ADGB: variants seen among roughly 807,000 people sequenced by gnomAD.
ADGB encodes androglobin, also known as calpain-7-like protein.
Under a neutral mutation model 210.5 loss-of-function variants are expected in ADGB, and 172 were observed. The observed-to-expected ratio is 0.82, with a 90% CI of 0.72 to 0.93. The LOEUF (loss-of-function observed/expected upper bound fraction) is 0.93, where lower values mean the gene tolerates loss of function less well. Ranked by LOEUF, ADGB falls within the 40% of genes least tolerant of loss-of-function variation. ADGB has a pLI of 0.00. For missense variants in ADGB, 2,025 were observed against 1,964.8 expected (o/e 1.03, Z -0.58); for synonymous variants, 658 against 662.7 (o/e 0.99, Z 0.11).
At chr6:146,717,777 C>G (rs1776756166) in intron 16 of ADGB, among the ~76,000 whole-genome samples, 178 bp downstream of exon 16, 1 of 152,132 alleles carries the variant, frequency 6.6e-6, no homozygotes, top group Admixed American at 6.5e-5. Context: ...ATTCCACTAG[C>G]TCATAACCAC....
Position 146,814,564 on chromosome 6 carries a change from G to A in ADGB, c.4819-468G>A, listed in dbSNP as rs544193473. Among the ~76,000 whole-genome samples, 15 of 152,304 alleles carry A rather than the reference G, an allele frequency of 9.8e-5. No individual in the cohort carries two copies. In the South Asian group the frequency reaches 3.1e-3, roughly 32 times the overall value. On this transcript the variant is annotated intron_variant, in intron 35 of 35. Coordinates refer to ENST00000397944, the MANE Select transcript of ADGB (RefSeq NM_024694.4). Reference sequence around the variant, plus strand: ...GTAGTTTTGCTAAAGTGGTGAGAATGAAAGTCAAGCTGACAAGAGCAAAGT... The same window carrying A: ...GTAGTTTTGCTAAAGTGGTGAGAATAAAAGTCAAGCTGACAAGAGCAAAGT...
At chr6:146,673,153 A>T (rs1180021790) in intron 8 of ADGB, among the ~76,000 whole-genome samples, 1 of 152,220 alleles carries the variant, frequency 6.6e-6, no homozygotes, top group Non-Finnish European at 1.5e-5. Context: ...ATTCTAGTGC[A>T]TTAAGTACAT....
At chr6:146,719,512 T>C (rs188860338) in intron 16 of ADGB, among the ~76,000 whole-genome samples, 2 of 152,336 alleles carry the variant, frequency 1.3e-5, no homozygotes, top group East Asian at 3.9e-4. Context: ...GCATTTAGCA[T>C]GGCCTGAAAG....
chr6:146,701,674 C>G (rs1361538247), intron 13 of ADGB, among the ~76,000 whole-genome samples: 1 of 149,870 alleles, frequency 6.7e-6, no homozygotes, highest in East Asian at 1.9e-4. Context: ...AAAACTCTAA[C>G]AGGTTGAAAA....
chr6:146,810,179 C>T (rs1315096114), intron 35 of ADGB, among the ~76,000 whole-genome samples: 1 of 152,158 alleles, frequency 6.6e-6, no homozygotes, highest in Admixed American at 6.5e-5. Flanking sequence ...AAAGACGACA[C>T]AGGAATGACC....
Position 146,802,800 on chromosome 6 carries a change from G to GT in ADGB, c.4818+790dup, listed in dbSNP as rs554408555. ...TCTTTAGTAGATGAAATCTCTCAAT[G>GT]TAACTGTAATAAATAAGCATCTACA... On this transcript the variant is annotated intron_variant, in intron 35 of 35. Coordinates refer to ENST00000397944, the MANE Select transcript of ADGB (RefSeq NM_024694.4). The GT allele has an allele frequency of 8.9e-5, 143 of 1,606,944 alleles. No individual in the cohort carries two copies. In the East Asian group the frequency reaches 2.9e-3, roughly 33 times the overall value.
At chr6:146,797,792 G>C (rs1778068131) in intron 33 of ADGB, among the ~76,000 whole-genome samples, 1 of 152,076 alleles carries the variant, frequency 6.6e-6, no homozygotes, top group Admixed American at 6.5e-5. Flanking sequence ...AGGGCTAAAA[G>C]ACTACACATC....
chr6:146,707,183 A>G (rs1331509714), intron 13 of ADGB, among the ~76,000 whole-genome samples: 1 of 151,976 alleles, frequency 6.6e-6, no homozygotes, highest in Non-Finnish European at 1.5e-5. Context: ...GACTCATTCC[A>G]TTGTGGTTAT....
chr6:146,801,200 C>T lies in ADGB; in HGVS notation c.4555C>T (p.Arg1519Ter), dbSNP rs1453581851. 1.3e-5 allele frequency: 19 copies of T among 1,495,400 alleles called. No individual in the cohort carries two copies. Among genetic ancestry groups the T allele is most frequent in the South Asian group, 5.4e-5 (4 of 74,478 alleles). The allele number at this position is 1,495,400 out of a possible 1,614,324, so 92.6% of individuals were successfully genotyped here. A position where few individuals can be genotyped will look rare whatever the true frequency, so the allele number is the denominator to read the frequency against. ...KENIQTGPRTRSPTILETSPR... is the reference protein window; with the variant it reads ...KENIQTGPRT Reference sequence around the variant, plus strand: ...TTTTAAAGAAACAGGACCTCGTACACGATCTCCAACAATTTTGGAAACATC... The same window carrying T: ...TTTTAAAGAAACAGGACCTCGTACATGATCTCCAACAATTTTGGAAACATC... Residue 1519 changes from arginine to a stop codon, truncating the protein, a stop_gained, in exon 34 of 36, where the codon CGA becomes TGA. Coordinates refer to ENST00000397944, the MANE Select transcript of ADGB (RefSeq NM_024694.4). LOFTEE classifies it high-confidence loss of function.
At chr6:146,663,368 T>C (rs1277023968) in intron 5 of ADGB, among the ~76,000 whole-genome samples, 1 of 151,652 alleles carries the variant, frequency 6.6e-6, no homozygotes, top group Non-Finnish European at 1.5e-5. Flanking sequence ...GTAGATTTGG[T>C]GTCTGGCAAA....
At chr6:146,802,760 T>C in intron 35 of ADGB, 1 of 1,591,760 alleles carries the variant, frequency 6.3e-7, no homozygotes, top group South Asian at 1.1e-5. Context: ...AGGGATGTTT[T>C]GAAAAACCAA....
chr6:146,807,530 A>G, intron 35 of ADGB: 1 of 1,551,666 alleles, frequency 6.4e-7, no homozygotes, highest in East Asian at 2.4e-5. Context: ...AGCTGGAGAC[A>G]GAAAAGATGA....
At chr6:146,684,688 T>C (rs1024251198) in intron 9 of ADGB, among the ~76,000 whole-genome samples, 1 of 151,826 alleles carries the variant, frequency 6.6e-6, no homozygotes, top group Non-Finnish European at 1.5e-5. Context: ...CCACAAGGAG[T>C]AGGTCAAATT....
chr6:146,710,332 T>A (rs977581366), intron 13 of ADGB, among the ~76,000 whole-genome samples: 2 of 151,990 alleles, frequency 1.3e-5, no homozygotes, highest in African/African-American at 4.8e-5. Context: ...TTTTATTTTT[T>A]CCCATATAGA....
chr6:146,696,593 A>C (rs530886694), intron 12 of ADGB, among the ~76,000 whole-genome samples: 1 of 152,302 alleles, frequency 6.6e-6, no homozygotes, highest in South Asian at 2.1e-4. Flanking sequence ...TCTGACTGTA[A>C]AAATAAAGTG....
intron 1 of ADGB, among the ~76,000 whole-genome samples, chr6:146,627,806 C>T (rs1780999646): frequency 6.6e-6 from 1 of 152,098 alleles, no homozygotes; most frequent in South Asian, 2.1e-4. Context: ...CCCCCAAACA[C>T]TCATCTCCTT....
chr6:146,638,184 A>G (rs184402637), intron 2 of ADGB, among the ~76,000 whole-genome samples: 125 of 147,646 alleles, frequency 8.5e-4, no homozygotes, highest in African/African-American at 3.0e-3. Context: ...ATAAAATTCA[A>G]TACCCCTTGA....
chr6:146,705,746 T>C (rs9497608), intron 13 of ADGB, among the ~76,000 whole-genome samples: 28,661 of 152,088 alleles, frequency 0.19, 2,863 homozygotes, highest in East Asian at 0.29. Context: ...TATTTTCTTA[T>C]AGTGTCCTTG....
intron 7 of ADGB, among the ~76,000 whole-genome samples, chr6:146,669,709 AG>A: frequency 6.6e-6 from 1 of 152,196 alleles, no homozygotes; most frequent in South Asian, 2.1e-4. Flanking sequence ...GGTGTGTAGC[AG>A]GGCTCCTGTC....
Sources: allele counts gnomAD v4.1 joint callset (sites outside exome capture counted in the v4.1 genomes callset), GRCh38; gene constraint gnomAD v4.1.1; transcripts MANE v1.5; gene names NCBI Gene and HGNC (gene_info 2026-07-23, HGNC 2026-07-21).